Variants in PPM1E observed in about 807,000 individuals in gnomAD.
PPM1E encodes the protein protein phosphatase, Mg2+/Mn2+ dependent 1E, also known as protein phosphatase 1E.
Under a neutral mutation model 65.9 loss-of-function variants are expected in PPM1E, and 20 were observed. That is an observed-to-expected ratio of 0.30 (90% CI 0.21 to 0.44). The LOEUF (loss-of-function observed/expected upper bound fraction) is 0.44. Ranked by LOEUF, PPM1E falls within the 20% of genes least tolerant of loss-of-function variation. The pLI is 1.00. For synonymous variants in PPM1E, 352 were observed against 374.9 expected (o/e 0.94, Z 0.70); for missense variants, 713 against 953.1 (o/e 0.75, Z 3.32).
chr17:58,894,696 A>G (rs2143444485), intron 1 of PPM1E, among the ~76,000 whole-genome samples: 1 of 152,260 alleles, frequency 6.6e-6, no homozygotes, highest in South Asian at 2.1e-4. Context: ...ATACACACAA[A>G]CACACATACA....
intron 1 of PPM1E, among the ~76,000 whole-genome samples, chr17:58,776,328 A>G (rs2049994141): frequency 6.6e-6 from 1 of 152,172 alleles, no homozygotes; most frequent in Non-Finnish European, 1.5e-5. Context: ...CCTGTCTCCA[A>G]AAAAAAGCAG....
chr17:58,970,019 G>A (rs1040913011), intron 4 of PPM1E, among the ~76,000 whole-genome samples: 1 of 152,090 alleles, frequency 6.6e-6, no homozygotes, highest in African/African-American at 2.4e-5. Context: ...ATTCACCATT[G>A]CCTGTCAGGT....
intron 1 of PPM1E, among the ~76,000 whole-genome samples, chr17:58,908,522 C>T (rs867542256): frequency 7.9e-5 from 12 of 151,896 alleles, no homozygotes; most frequent in South Asian, 2.1e-4. Flanking sequence ...TCACTGCAAA[C>T]TCTGTGTCCT....
In PPM1E at chr17:58,758,661, C is replaced by A. The variant is rs536953341; in HGVS notation, c.464+2200C>A. Among the ~76,000 whole-genome samples, 6 of 152,194 alleles carry A rather than the reference C, an allele frequency of 3.9e-5. No individual in the cohort carries two copies. In the East Asian group the frequency reaches 1.2e-3, roughly 29 times the overall value. Reference sequence around the variant, plus strand: ...GCAAAATTAAAGTTGGAAAATATTTCCGCTTAAATCAGAGATTTCATCATT... The same window carrying A: ...GCAAAATTAAAGTTGGAAAATATTTACGCTTAAATCAGAGATTTCATCATT... On this transcript the variant is annotated intron_variant, in intron 1 of 6. Transcript: ENST00000308249.
At chr17:58,941,145 C>A (rs971574312) in intron 1 of PPM1E, among the ~76,000 whole-genome samples, 1 of 152,056 alleles carries the variant, frequency 6.6e-6, no homozygotes, top group Admixed American at 6.6e-5. Context: ...TAAAGATAAG[C>A]GATTTTTACA....
At position 58,798,226 on chromosome 17, in the gene PPM1E, G is replaced by GTT. The variant is rs1182858502; in HGVS notation, c.464+41767_464+41768dup. Among the ~76,000 whole-genome samples, 13 of 128,184 alleles carry GTT rather than the reference G, an allele frequency of 1.0e-4. No individual in the cohort carries two copies. In the East Asian group the frequency reaches 2.0e-3, roughly 20 times the overall value. 84.1% of individuals were successfully genotyped at this position (128,184 alleles called of 152,430 possible). A position where few individuals can be genotyped will look rare whatever the true frequency, so the allele number is the denominator to read the frequency against. ...TTCTTCTGTGTGAATTACGTTTTTT[G>GTT]TTTGTTTTTTTTTTTTTTTTGAGAC... On this transcript the variant is annotated intron_variant, in intron 1 of 6. Transcript: ENST00000308249.
chr17:58,823,997 T>C (rs907585022), intron 1 of PPM1E, among the ~76,000 whole-genome samples: 2 of 152,152 alleles, frequency 1.3e-5, no homozygotes, highest in African/African-American at 2.4e-5. Flanking sequence ...CCCAAAGTGC[T>C]GGAATTACAG....
intron 1 of PPM1E, among the ~76,000 whole-genome samples, chr17:58,868,491 T>C (rs2143333396): frequency 6.6e-6 from 1 of 152,118 alleles, no homozygotes; most frequent in African/African-American, 2.4e-5. Context: ...CTCAGGGCAC[T>C]CCTATTCTTC....
intron 1 of PPM1E, among the ~76,000 whole-genome samples, chr17:58,877,746 T>C (rs963776004): frequency 8.5e-5 from 13 of 152,210 alleles, no homozygotes; most frequent in South Asian, 2.1e-4. Flanking sequence ...AAAGGACTTA[T>C]GGATACATTA....
intron 1 of PPM1E, among the ~76,000 whole-genome samples, chr17:58,794,186 C>T (rs568813342): frequency 3.7e-4 from 57 of 152,204 alleles, no homozygotes; most frequent in Non-Finnish European, 7.5e-4. Flanking sequence ...TTCAGGTGAT[C>T]CGCCCACCTC....
chr17:58,892,114 G>A (rs1488216622), intron 1 of PPM1E, among the ~76,000 whole-genome samples: 3 of 152,186 alleles, frequency 2.0e-5, no homozygotes, highest in East Asian at 3.9e-4. Flanking sequence ...GGGATTACAG[G>A]TGTGAGCCAC....
chr17:58,915,619 A>T (rs1465923433), intron 1 of PPM1E, among the ~76,000 whole-genome samples: 1 of 152,188 alleles, frequency 6.6e-6, no homozygotes. Flanking sequence ...ATATTGAATC[A>T]TGTATGGTCA....
intron 1 of PPM1E, among the ~76,000 whole-genome samples, chr17:58,762,679 C>T (rs930030809): frequency 2.0e-4 from 31 of 151,922 alleles, no homozygotes; most frequent in Admixed American, 1.8e-3. Flanking sequence ...GGGCGGATCA[C>T]GAGGTCAGGA....
At chr17:58,871,745 A>T (rs906351425) in intron 1 of PPM1E, among the ~76,000 whole-genome samples, 2 of 151,724 alleles carry the variant, frequency 1.3e-5, no homozygotes, top group Non-Finnish European at 2.9e-5. Context: ...GGACCTCGGA[A>T]GTTGAGGCTT....
chr17:58,811,254 G>T (rs1567840416), intron 1 of PPM1E, among the ~76,000 whole-genome samples: 1 of 152,140 alleles, frequency 6.6e-6, no homozygotes, highest in East Asian at 1.9e-4. Flanking sequence ...GTGACATGTT[G>T]AAAGGTATTC....
intron 6 of PPM1E, 44 bp from the exon 7 acceptor site, chr17:58,979,930 G>A: frequency 6.7e-7 from 1 of 1,500,806 alleles, no homozygotes; most frequent in Non-Finnish European, 9.1e-7. Context: ...AGCATGCAAG[G>A]TAAAACAAAT....
chr17:58,825,002 T>G (rs2050519020), intron 1 of PPM1E, among the ~76,000 whole-genome samples: 1 of 151,810 alleles, frequency 6.6e-6, no homozygotes, highest in African/African-American at 2.4e-5. Context: ...AAGGACACAA[T>G]GGACTTTGGA....
In PPM1E at chr17:58,984,548, G is replaced by A. The variant is rs1411321676; in HGVS notation, c.*3517G>A. On this transcript the variant is annotated 3_prime_UTR_variant, in exon 7 of 7. Transcript: ENST00000308249. ...TACAGTTTTGTCCACACTTTAATTT[G>A]AGACCATTTTTCTTTGAATCGTAAG... 1.3e-5 allele frequency: 2 copies of A among 152,628 alleles called. No individual in the cohort carries two copies. Among genetic ancestry groups the A allele is most frequent in the Admixed American group, 6.5e-5 (1 of 15,300 alleles). 9.5% of individuals were successfully genotyped at this position (152,628 alleles called of 1,614,324 possible). A position where few individuals can be genotyped will look rare whatever the true frequency, so the allele number is the denominator to read the frequency against.
chr17:58,900,683 G>A (rs934961377), intron 1 of PPM1E, among the ~76,000 whole-genome samples: 7 of 152,064 alleles, frequency 4.6e-5, no homozygotes, highest in African/African-American at 1.7e-4. Context: ...CTAGCTTTGA[G>A]GTATGCCTGT....
Sources: allele counts gnomAD v4.1 joint callset (sites outside exome capture counted in the v4.1 genomes callset), GRCh38; gene constraint gnomAD v4.1.1; transcripts MANE v1.5; gene names NCBI Gene and HGNC (gene_info 2026-07-23, HGNC 2026-07-21).